CSGALNACT1: variants seen among roughly 807,000 people sequenced by gnomAD.
The protein encoded by CSGALNACT1 is chondroitin sulfate N-acetylgalactosaminyltransferase 1.
In CSGALNACT1, 52 loss-of-function variants were observed where a neutral mutation model predicts 51.0. The ratio of observed to expected loss-of-function variants is 1.02; its 90% CI spans 0.82 to 1.29. CSGALNACT1 has a LOEUF of 1.29. Among genes scored for constraint, CSGALNACT1 ranks in the 50% most tolerant of loss-of-function variants. CSGALNACT1 has a pLI of 0.00. For missense variants in CSGALNACT1, 935 were observed against 679.2 expected (o/e 1.38, Z -4.19); for synonymous variants, 341 against 254.4 (o/e 1.34, Z -3.24).
exon 7 of CSGALNACT1, chr8:19,420,361 A>G: frequency 2.5e-6 from 4 of 1,614,210 alleles, no homozygotes; most frequent in Non-Finnish European, 3.4e-6. Flanking sequence ...TTCAGCCTAC[A>G]CGTATTGAGG....
At chr8:19,588,253 C>G (rs1457439922) in intron 3 of CSGALNACT1, among the ~76,000 whole-genome samples, 1 of 152,014 alleles carries the variant, frequency 6.6e-6, no homozygotes, top group Non-Finnish European at 1.5e-5. Flanking sequence ...CACACAAACA[C>G]ATATATATAC....
intron 3 of CSGALNACT1, among the ~76,000 whole-genome samples, chr8:19,533,496 T>C (rs1297955974): frequency 6.6e-6 from 1 of 152,144 alleles, no homozygotes; most frequent in Non-Finnish European, 1.5e-5. Context: ...TTCCAAGACT[T>C]ATCAATATCA....
intron 1 of CSGALNACT1, among the ~76,000 whole-genome samples, chr8:19,693,245 A>C (rs1259071610): frequency 2.0e-5 from 3 of 152,004 alleles, no homozygotes; most frequent in African/African-American, 7.3e-5. Flanking sequence ...TGATATCTCC[A>C]GCAGTGGCCT....
chr8:19,530,704 C>A (rs1260303305), intron 3 of CSGALNACT1, among the ~76,000 whole-genome samples: 1 of 152,076 alleles, frequency 6.6e-6, no homozygotes, highest in Non-Finnish European at 1.5e-5. Context: ...GCCCTTCAGC[C>A]TGGACAACAG....
intron 8 of CSGALNACT1, among the ~76,000 whole-genome samples, chr8:19,408,977 C>CACACACACACACACACACACACAA (rs1319492249): frequency 6.6e-6 from 1 of 151,672 alleles, no homozygotes; most frequent in East Asian, 1.9e-4. Flanking sequence ...CACACACACA[C>CACACACACACACACACACACACAA]AATCAAAAAC....
intron 1 of CSGALNACT1, among the ~76,000 whole-genome samples, chr8:19,611,754 T>G (rs1037107050): frequency 6.6e-6 from 1 of 152,180 alleles, no homozygotes; most frequent in African/African-American, 2.4e-5. Flanking sequence ...TAAGTCTGAA[T>G]GCTAATCTTT....
At chr8:19,427,277 G>C (rs552433263) in intron 6 of CSGALNACT1, among the ~76,000 whole-genome samples, 31 of 152,172 alleles carry the variant, frequency 2.0e-4, no homozygotes, top group Admixed American at 9.2e-4. Flanking sequence ...CACAATGCAG[G>C]CATCAGCTGA....
At chr8:19,499,149 A>T (rs1253422868) in intron 4 of CSGALNACT1, among the ~76,000 whole-genome samples, 1 of 152,144 alleles carries the variant, frequency 6.6e-6, no homozygotes, top group Admixed American at 6.5e-5. Context: ...AACAAAATTA[A>T]AATTAAAAAT....
rs115013678 is a variant in CSGALNACT1 at position 19,583,415 on chromosome 8, A to T, written c.-297+7745T>A. On this transcript the variant is annotated intron_variant, in intron 3 of 9. Coordinates refer to ENST00000454498, the Ensembl canonical transcript of CSGALNACT1. ...TAACAAACTCCCTCAGTTTTTGTTT[A>T]TCTGGGAATGTCTTGAGAAGAAAAA... Among the ~76,000 whole-genome samples the T allele has an allele frequency of 7.6e-3, 1,152 of 152,244 alleles. 16 individuals are homozygous for T. Among genetic ancestry groups the T allele is most frequent in the African/African-American group, 0.026 (1,091 of 41,554 alleles).
chr8:19,483,626 T>G (rs1198831059), intron 4 of CSGALNACT1, among the ~76,000 whole-genome samples: 1 of 152,214 alleles, frequency 6.6e-6, no homozygotes, highest in Non-Finnish European at 1.5e-5. Flanking sequence ...GTGGATCTGA[T>G]GGCCTTCCTT....
chr8:19,596,988 C>G (rs766476183), intron 2 of CSGALNACT1, among the ~76,000 whole-genome samples: 15 of 152,156 alleles, frequency 9.9e-5, no homozygotes, highest in Non-Finnish European at 1.8e-4. Context: ...ACCCATTAAA[C>G]AAGTGCCCAT....
intron 4 of CSGALNACT1, among the ~76,000 whole-genome samples, chr8:19,460,293 A>G (rs1300905916): frequency 6.6e-6 from 1 of 152,042 alleles, no homozygotes; most frequent in East Asian, 1.9e-4. Flanking sequence ...CCATGTTTAC[A>G]TACCTTTTAT....
upstream of CSGALNACT1, among the ~76,000 whole-genome samples, chr8:19,605,308 C>T (rs1298861850): frequency 6.6e-6 from 1 of 151,988 alleles, no homozygotes. Context: ...TGGTGGCAGG[C>T]ACCTGTAATC....
At chr8:19,505,697 G>A in exon 4 of CSGALNACT1, 2 of 1,614,150 alleles carry the variant, frequency 1.2e-6, no homozygotes, top group Non-Finnish European at 1.7e-6. Flanking sequence ...TGTTGGCCCT[G>A]GGCAGTGCCA....
chr8:19,533,115 G>T (rs972866935), intron 3 of CSGALNACT1, among the ~76,000 whole-genome samples: 4 of 151,346 alleles, frequency 2.6e-5, no homozygotes, highest in Non-Finnish European at 5.9e-5. Context: ...TGACGTTTTT[G>T]TTTTTGTTTT....
rs1024560694 is a variant in CSGALNACT1, at chr8:19,672,308, G to C, written c.-544+10165C>G. ...GACGCCTAACACAGTAGCAGGAACA[G>C]AGAAGAACATGCAATACCCATTAGA... On this transcript the variant is annotated intron_variant, in intron 1 of 9. Coordinates refer to the CSGALNACT1 transcript ENST00000332246. Among the ~76,000 whole-genome samples the C allele has an allele frequency of 2.6e-5, 4 of 152,308 alleles. No individual in the cohort carries two copies. In the East Asian group the frequency reaches 7.7e-4, roughly 29 times the overall value.
chr8:19,686,713 A>T (rs758943012), upstream of CSGALNACT1, among the ~76,000 whole-genome samples: 1 of 152,242 alleles, frequency 6.6e-6, no homozygotes, highest in Non-Finnish European at 1.5e-5. Flanking sequence ...GGATAAAATA[A>T]TAGAAGCTGG....
At chr8:19,644,601 T>C (rs1333094601) in intron 1 of CSGALNACT1, among the ~76,000 whole-genome samples, 2 of 149,238 alleles carry the variant, frequency 1.3e-5, no homozygotes, top group Admixed American at 6.7e-5. Context: ...TCCCAGCTAC[T>C]TGGGAGACTG....
chr8:19,412,878 G>T (rs928373715), intron 8 of CSGALNACT1, among the ~76,000 whole-genome samples: 1 of 151,918 alleles, frequency 6.6e-6, no homozygotes, highest in Non-Finnish European at 1.5e-5. Flanking sequence ...AGGGCTCAGT[G>T]ATCATGCTGC....
Sources: gnomAD v4.1 joint callset for allele counts (sites outside exome capture counted in the v4.1 genomes callset) on GRCh38, gnomAD v4.1.1 for gene constraint, MANE v1.5 for transcripts, NCBI Gene and HGNC (gene_info 2026-07-23, HGNC 2026-07-21) for gene names.